The following FRMPD4 variants were observed in gnomAD, a reference collection of about 807,000 sequenced individuals.
FRMPD4 encodes the protein FERM and PDZ domain-containing protein 4.
A neutral mutation model predicts 94.1 loss-of-function variants in FRMPD4; 22 were observed. That is an observed-to-expected ratio of 0.23 (90% CI 0.17 to 0.33). The LOEUF is 0.33. Ranked by LOEUF, FRMPD4 falls within the 10% of genes least tolerant of loss-of-function variation. FRMPD4 has a pLI of 1.00. For synonymous variants in FRMPD4, 631 were observed against 548.6 expected, an observed-to-expected ratio of 1.15 and a Z score of -2.10; for missense variants, 1,111 against 1,339.9, an observed-to-expected ratio of 0.83 and a Z score of 2.67.
At chrX:12,543,719 C>T (rs2058443244) in intron 2 of FRMPD4, among the ~76,000 whole-genome samples, 1 of 111,172 alleles carries the variant, frequency 9.0e-6, no homozygotes, top group African/African-American at 3.3e-5. Context: ...CCATTTGACC[C>T]AGCCATCCCA....
intron 1 of FRMPD4, among the ~76,000 whole-genome samples, chrX:12,495,401 G>C (rs1039995356): frequency 8.9e-6 from 1 of 112,178 alleles, no homozygotes; most frequent in African/African-American, 3.2e-5. Context: ...AACTGAGGGG[G>C]TTAGGGAGAT....
At chrX:12,017,339 C>A (rs747434834) in intron 3 of FRMPD4, among the ~76,000 whole-genome samples, 5 of 112,648 alleles carry the variant, frequency 4.4e-5, no homozygotes, top group Non-Finnish European at 9.4e-5. Flanking sequence ...AGAAGCTAGA[C>A]TTTCTGCCCA....
chrX:12,244,971 G>A lies in FRMPD4; in HGVS notation c.41+105959G>A, dbSNP rs2053933120. Among the ~76,000 whole-genome samples the A allele has an allele frequency of 3.5e-5, 4 of 112,724 alleles. 1 individual carries two copies. The Admixed American group carries it at 3.7e-4, about 11-fold the overall frequency. On this transcript the variant is annotated intron_variant, in intron 1 of 16. Transcript: ENST00000675598. Reference sequence around the variant, plus strand: ...ACACCGTGGTGGCACTGTGAGGGGCGTAAAGTTTTTAAATTTGAAACTACC... The same window carrying A: ...ACACCGTGGTGGCACTGTGAGGGGCATAAAGTTTTTAAATTTGAAACTACC...
chrX:11,963,877 CAG>C (rs1325910623), intron 3 of FRMPD4, among the ~76,000 whole-genome samples: 1 of 111,482 alleles, frequency 9.0e-6, no homozygotes, highest in Non-Finnish European at 1.9e-5. Context: ...AGGTCAAACT[CAG>C]GGACTCACAG....
intron 3 of FRMPD4, among the ~76,000 whole-genome samples, chrX:11,946,737 G>A (rs752840075): frequency 1.8e-5 from 2 of 111,414 alleles, no homozygotes; most frequent in Non-Finnish European, 3.8e-5. Flanking sequence ...ACCCACTGAA[G>A]GCCCAATTAG....
intron 3 of FRMPD4, among the ~76,000 whole-genome samples, chrX:11,917,414 C>T (rs1569125088): frequency 8.9e-6 from 1 of 111,907 alleles, no homozygotes; most frequent in African/African-American, 3.3e-5. Context: ...GAAAATAAAT[C>T]ATTCTATCAA....
chrX:12,655,646 C>T, intron 4 of FRMPD4, among the ~76,000 whole-genome samples: 1 of 112,173 alleles, frequency 8.9e-6, no homozygotes, highest in South Asian at 3.8e-4. Context: ...CTGGAGACTT[C>T]TCTGCATGTT....
chrX:11,905,925 A>C (rs766458739), intron 3 of FRMPD4, among the ~76,000 whole-genome samples: 2 of 111,034 alleles, frequency 1.8e-5, no homozygotes, highest in African/African-American at 6.5e-5. Flanking sequence ...AATAACATCA[A>C]CCAATGTGAA....
At chrX:12,072,174 A>T (rs902698097) in intron 3 of FRMPD4, among the ~76,000 whole-genome samples, 2 of 111,158 alleles carry the variant, frequency 1.8e-5, no homozygotes, top group Non-Finnish European at 3.8e-5. Context: ...GTGTTTAATC[A>T]TGACTCATAG....
chrX:12,683,668 C>T (rs768171882), intron 6 of FRMPD4, 81 bp downstream of exon 6: 3 of 504,753 alleles, frequency 5.9e-6, no homozygotes, highest in South Asian at 6.6e-5. Flanking sequence ...AGTCAGTAGT[C>T]CCACTGGAAT....
rs145676166 is a variant in FRMPD4, at chrX:12,498,688, C to T, written c.50C>T (p.Thr17Met). The T allele has an allele frequency of 6.1e-6, 7 of 1,154,349 alleles. No homozygotes were observed. The East Asian group carries it at 9.0e-5, about 15-fold the overall frequency. The change falls in exon 2 of 17, where the codon ACG (threonine) becomes ATG (methionine). Residue 17 changes from threonine to methionine, a missense_variant. Physicochemically the swap from Thr to Met is moderately conservative, Grantham distance 81. Transcript: ENST00000675598. ...TTTTTTTTCTTTTCCAGCCACAGGA[C>T]GAAGTCTTCAGGCTGGCCGCCTCCC... ...VKIAKLSSHR[T>M]KSSGWPPPSG...
chrX:12,305,750 A>G (rs1346888766), intron 1 of FRMPD4, among the ~76,000 whole-genome samples: 2 of 44,195 alleles, frequency 4.5e-5, no homozygotes, highest in African/African-American at 2.3e-4. Flanking sequence ...TTTTTTTTAC[A>G]GAGACAGGGT....
chrX:11,846,237 C>A (rs1277896871), intron 1 of FRMPD4, among the ~76,000 whole-genome samples: 1 of 106,793 alleles, frequency 9.4e-6, no homozygotes, highest in African/African-American at 3.4e-5. Flanking sequence ...ACACCAATAA[C>A]AGACAAACAG....
At chrX:12,557,047 C>T (rs997511993) in intron 2 of FRMPD4, among the ~76,000 whole-genome samples, 27 of 111,626 alleles carry the variant, frequency 2.4e-4, no homozygotes, top group Admixed American at 9.5e-4. Flanking sequence ...TCAAGTGATC[C>T]GCCCACCTGG....
chrX:12,619,996 G>A (rs183639962), intron 4 of FRMPD4, among the ~76,000 whole-genome samples: 8 of 112,719 alleles, frequency 7.1e-5, no homozygotes, highest in Admixed American at 5.6e-4. Context: ...GGATCCTGAA[G>A]TGGCCCCATA....
intron 2 of FRMPD4, among the ~76,000 whole-genome samples, chrX:12,587,083 T>A (rs1187442956): frequency 9.1e-6 from 1 of 110,117 alleles, no homozygotes; most frequent in Non-Finnish European, 1.9e-5. Context: ...TTCAAGTGAT[T>A]CTCCTGCCTC....
intron 2 of FRMPD4, among the ~76,000 whole-genome samples, chrX:12,508,929 T>C (rs189231443): frequency 1.4e-3 from 136 of 98,411 alleles, no homozygotes; most frequent in African/African-American, 4.9e-3. Context: ...GAGGTGGAGA[T>C]TGCAGTGAGC....
At chrX:12,500,671 G>C (rs2057909801) in intron 2 of FRMPD4, among the ~76,000 whole-genome samples, 1 of 111,392 alleles carries the variant, frequency 9.0e-6, no homozygotes, top group African/African-American at 3.3e-5. Context: ...ATGGCAGTGG[G>C]AGCAGGGCCT....
At chrX:12,185,169 G>A (rs1475411996) in intron 1 of FRMPD4, among the ~76,000 whole-genome samples, 1 of 111,692 alleles carries the variant, frequency 9.0e-6, no homozygotes, top group East Asian at 2.8e-4. Flanking sequence ...AGTTTATTTA[G>A]TTAATAAACT....
Sources: allele counts gnomAD v4.1 joint callset (sites outside exome capture counted in the v4.1 genomes callset), GRCh38; gene constraint gnomAD v4.1.1; transcripts MANE v1.5; gene names NCBI Gene and HGNC (gene_info 2026-07-23, HGNC 2026-07-21).